Variants in B4GALNT1 observed in about 807,000 individuals in gnomAD.
The protein encoded by B4GALNT1 is beta-1,4 N-acetylgalactosaminyltransferase 1.
In B4GALNT1, 43 loss-of-function variants were observed where a neutral mutation model predicts 55.2. That is an observed-to-expected ratio of 0.78 (90% CI 0.61 to 1.00). The LOEUF is 1.00. Ranked by LOEUF, B4GALNT1 falls within the 50% of genes least tolerant of loss-of-function variation. The probability of loss-of-function intolerance (pLI) is 0.00; values close to 1 mark genes in which losing one functional copy is unlikely to be tolerated. For missense variants in B4GALNT1, 664 were observed against 729.7 expected (o/e 0.91, Z 1.04); for synonymous variants, 305 against 311.6 (o/e 0.98, Z 0.22).
chr12:57,630,474 T>G lies in B4GALNT1; in HGVS notation c.531+4A>C. ...GGCCTCCTTGCCTTCTTGTTTTCTC[T>G]CACCTGGTATACCTCCTGACCAGAA... On this transcript the variant is annotated splice_donor_region_variant and intron_variant, in intron 5 of 10. Coordinates refer to ENST00000341156, the MANE Select transcript of B4GALNT1 (RefSeq NM_001478.5). The G allele has an allele frequency of 6.2e-7, 1 of 1,607,386 alleles. No individual in the cohort carries two copies. The highest frequency in any genetic ancestry group is 1.1e-5 in the South Asian group (1 of 89,842).
Position 57,625,709 on chromosome 12 carries a change from G to C in B4GALNT1, c.*1035C>G, listed in dbSNP as rs770361128. 1.9e-6 allele frequency: 3 copies of C among 1,543,368 alleles called. 1 individual carries two copies. In the South Asian group the frequency reaches 3.8e-5, roughly 20 times the overall value. On this transcript the variant is annotated 3_prime_UTR_variant, in exon 11 of 11. Transcript: ENST00000341156. ...GCCTGTTAAGGGGCAGTAGCACCAG[G>C]AGCGGGAGCCAGGAGGCACTGGGCT...
Position 57,625,005 on chromosome 12 carries a change from G to C in B4GALNT1, c.*1739C>G. On this transcript the variant is annotated 3_prime_UTR_variant, in exon 11 of 11. Coordinates refer to ENST00000341156, the MANE Select transcript of B4GALNT1 (RefSeq NM_001478.5). Reference sequence around the variant, plus strand: ...AAGGTGAAGGAGCTTGGTTTAGGAGGGATGTGGATCCTCAGGGAGTGGGAG... The same window carrying C: ...AAGGTGAAGGAGCTTGGTTTAGGAGCGATGTGGATCCTCAGGGAGTGGGAG... 1.9e-6 allele frequency: 3 copies of C among 1,613,852 alleles called. 1 individual carries two copies. Among genetic ancestry groups the C allele is most frequent in the Non-Finnish European group, 2.5e-6 (3 of 1,179,754 alleles).
In B4GALNT1 at chr12:57,625,423, G is replaced by A. The variant is rs1023196703; in HGVS notation, c.*1321C>T. On this transcript the variant is annotated 3_prime_UTR_variant, in exon 11 of 11. Coordinates refer to ENST00000341156, the MANE Select transcript of B4GALNT1 (RefSeq NM_001478.5). ...CCATCCCTGCAGCTGGCCAGCCGAT[G>A]TCGAGATGCTAGGATCCGCCTCCTC... 1.2e-6 allele frequency: 2 copies of A among 1,614,050 alleles called. No individual in the cohort carries two copies. The highest frequency in any genetic ancestry group is 1.7e-6 in the Non-Finnish European group (2 of 1,180,028).
In B4GALNT1 at chr12:57,624,187, C is replaced by G. The variant is rs1884648120; in HGVS notation, c.*2557G>C. On this transcript the variant is annotated 3_prime_UTR_variant, in exon 11 of 11. Transcript: ENST00000341156. The stretch of plus-strand genomic sequence containing the variant: ...CTGAACCAAACCTAATTGTCCTGGT[C>G]TTAAGTTCTGCAACCCACCCACTCC... 2 of 1,317,822 alleles carry G rather than the reference C, an allele frequency of 1.5e-6. No individual in the cohort carries two copies. 81.6% of individuals were successfully genotyped at this position (1,317,822 alleles called of 1,614,324 possible).
chr12:57,628,314 C>T, intron 8 of B4GALNT1, 52 bp from the exon 9 acceptor site: 1 of 1,605,688 alleles, frequency 6.2e-7, no homozygotes, highest in Non-Finnish European at 8.5e-7. Context: ...GGACATGGCC[C>T]TCTGCCACCT....
Position 57,625,835 on chromosome 12 carries a change from T to C in B4GALNT1, c.*909A>G. 1 of 1,398,926 alleles carries C rather than the reference T, an allele frequency of 7.1e-7. No individual in the cohort carries two copies. Among genetic ancestry groups the C allele is most frequent in the South Asian group, 1.7e-5 (1 of 59,340 alleles). 86.7% of individuals were successfully genotyped at this position (1,398,926 alleles called of 1,614,324 possible). On this transcript the variant is annotated 3_prime_UTR_variant, in exon 11 of 11. Coordinates refer to ENST00000341156, the MANE Select transcript of B4GALNT1 (RefSeq NM_001478.5). ...AAGAAAAGGGTGGGGACGGAATGAA[T>C]AGTAGATTGAAGACCAAATCAGGGA...
In B4GALNT1 at chr12:57,625,302, C is replaced by T; in HGVS notation, c.*1442G>A. The T allele has an allele frequency of 6.2e-7, 1 of 1,614,028 alleles. No homozygotes were observed. The highest frequency in any genetic ancestry group is 8.5e-7 in the Non-Finnish European group (1 of 1,179,988). On this transcript the variant is annotated 3_prime_UTR_variant, in exon 11 of 11. Coordinates refer to ENST00000341156, the MANE Select transcript of B4GALNT1 (RefSeq NM_001478.5). The stretch of plus-strand genomic sequence containing the variant: ...GTCACCTTTGCAGATGCTGCTGGGG[C>T]CAGAGAAGTGGTGCAGGTGAGGGAG...
At chr12:57,629,451 G>GA (rs1211508899) in intron 6 of B4GALNT1, 84 of 323,574 alleles carry the variant, frequency 2.6e-4, no homozygotes, top group South Asian at 6.0e-4. Flanking sequence ...TCCTACAACA[G>GA]AAAAAAAAGC....
intron 2 of B4GALNT1, among the ~76,000 whole-genome samples, chr12:57,631,647 C>G (rs1885218436): frequency 6.6e-6 from 1 of 152,170 alleles, no homozygotes; most frequent in Non-Finnish European, 1.5e-5. Flanking sequence ...CTTCTCATAC[C>G]TGAATCAGGA....
In B4GALNT1 at chr12:57,623,864, T is replaced by C. The variant is rs770590600; in HGVS notation, c.*2880A>G. The C allele has an allele frequency of 6.8e-6, 11 of 1,613,990 alleles. No homozygotes were observed. The African/African-American group carries it at 1.3e-4, about 20-fold the overall frequency. On this transcript the variant is annotated 3_prime_UTR_variant, in exon 11 of 11. Coordinates refer to ENST00000341156, the MANE Select transcript of B4GALNT1 (RefSeq NM_001478.5). ...GCAGGCCTCTTCTCCTGCACAGTGG[T>C]CCTGTCGGTGCTGCTGTGGCTGGGG...
At position 57,627,673 on chromosome 12, in the gene B4GALNT1, A is replaced by G. The variant is rs1199209723; in HGVS notation, c.1329T>C (p.Thr443=). The G allele has an allele frequency of 1.9e-5, 31 of 1,611,174 alleles. No homozygotes were observed. Among genetic ancestry groups the G allele is most frequent in the Non-Finnish European group, 2.5e-5 (30 of 1,178,334 alleles). The change falls in exon 10 of 11, where the codon ACT becomes ACC. Residue 443 remains threonine (T), a synonymous_variant. Coordinates refer to ENST00000341156, the MANE Select transcript of B4GALNT1 (RefSeq NM_001478.5). ...CGAAACCGACCTCGCGCACCTTGTC[A>G]GTCCGCGCCAGGAAGAAGTTAACCA... ...DGVVNFFLAR[T]DKVREVGFDP... is the part of the protein sequence containing the mutation.
Position 57,630,503 on chromosome 12 carries a change from G to C in B4GALNT1, c.506C>G (p.Ala169Gly), listed in dbSNP as rs767249079. The stretch of plus-strand genomic sequence containing the variant: ...CTGGTATACCTCCTGACCAGAAGCT[G>C]CCTGAAGGCTCAGCCCTAGGAGAAA... ...SILVPGLSLQ[A>G]ASGQEVYQVN... Residue 169 changes from alanine (A) to glycine (G), a missense_variant, in exon 5 of 11, where the codon GCA becomes GGA. Physicochemically the swap from Ala to Gly is moderately conservative, Grantham distance 60. Transcript: ENST00000341156. 4 of 1,608,970 alleles carry C rather than the reference G, an allele frequency of 2.5e-6. No individual in the cohort carries two copies. Among genetic ancestry groups the C allele is most frequent in the Non-Finnish European group, 3.4e-6 (4 of 1,177,602 alleles).
rs138721508 is a variant in B4GALNT1 at position 57,628,718 on chromosome 12, C to T, written c.997G>A (p.Gly333Ser). 1.7e-5 allele frequency: 28 copies of T among 1,614,154 alleles called. No individual in the cohort carries two copies. In the African/African-American group the frequency reaches 2.0e-4, roughly 12 times the overall value. Residue 333 changes from glycine (G) to serine (S), a missense_variant, in exon 8 of 11, where the codon GGC (glycine) becomes AGC (serine). Physicochemically the swap from Gly to Ser is moderately conservative, Grantham distance 56. Transcript: ENST00000341156. The part of the protein sequence containing the change: ...PYVEHYLMPF[G>S]KGWFAGRNLA... ...TCAGCCTGCTAGCTGCACACCTTGC[C>T]GAAGGGCATGAGATAGTGTTCCACG...
intron 8 of B4GALNT1, chr12:57,628,466 G>A (rs865957658): frequency 1.5e-5 from 13 of 856,112 alleles, no homozygotes; most frequent in South Asian, 1.3e-4. Flanking sequence ...TTTAATTTCC[G>A]TGTGCATTTA....
At position 57,625,776 on chromosome 12, in the gene B4GALNT1, G is replaced by C. The variant is rs1284832075; in HGVS notation, c.*968C>G. 1 of 1,509,974 alleles carries C rather than the reference G, an allele frequency of 6.6e-7. No individual in the cohort carries two copies. Among genetic ancestry groups the C allele is most frequent in the Non-Finnish European group, 8.8e-7 (1 of 1,131,994 alleles). 93.5% of individuals were successfully genotyped at this position (1,509,974 alleles called of 1,614,324 possible). ...GGGTAAGTGGCTGGAGACCCAGGGAGAGGGGTTTGGGAAAGGGTCTGAGGA... is the reference window on the plus strand; with the variant it reads ...GGGTAAGTGGCTGGAGACCCAGGGACAGGGGTTTGGGAAAGGGTCTGAGGA... On this transcript the variant is annotated 3_prime_UTR_variant, in exon 11 of 11. Transcript: ENST00000341156.
rs566212389 is a variant in B4GALNT1 at position 57,624,895 on chromosome 12, G to C, written c.*1849C>G. On this transcript the variant is annotated 3_prime_UTR_variant, in exon 11 of 11. Coordinates refer to ENST00000341156, the MANE Select transcript of B4GALNT1 (RefSeq NM_001478.5). ...TCCAGGTCCCGGGGCTCTGCATCCT[G>C]AGCTATCCAACACCACTGTACTTTG... 6.2e-7 allele frequency: 1 copy of C among 1,614,150 alleles called. No homozygotes were observed. Among genetic ancestry groups the C allele is most frequent in the East Asian group, 2.2e-5 (1 of 44,892 alleles).
rs533520717 is a variant in B4GALNT1 at position 57,624,318 on chromosome 12, A to C, written c.*2426T>G. ...TGTAACTTCCCAACTGGTGCGGGTC[A>C]TTACATTTGGTGTGTGTCCCATTGA... On this transcript the variant is annotated 3_prime_UTR_variant, in exon 11 of 11. Coordinates refer to ENST00000341156, the MANE Select transcript of B4GALNT1 (RefSeq NM_001478.5). The C allele has an allele frequency of 1.3e-5, 8 of 628,830 alleles. No individual in the cohort carries two copies. The South Asian group carries it at 1.5e-4, about 12-fold the overall frequency. 39.0% of individuals were successfully genotyped at this position (628,830 alleles called of 1,614,324 possible).
At position 57,625,024 on chromosome 12, in the gene B4GALNT1, G is replaced by A. The variant is rs371428499; in HGVS notation, c.*1720C>T. The A allele has an allele frequency of 1.9e-6, 3 of 1,613,148 alleles. No homozygotes were observed. The highest frequency in any genetic ancestry group is 2.5e-6 in the Non-Finnish European group (3 of 1,179,210). The stretch of plus-strand genomic sequence containing the variant: ...TAGGAGGGATGTGGATCCTCAGGGA[G>A]TGGGAGGCAGGTGGGTGTTCTGAGG... On this transcript the variant is annotated 3_prime_UTR_variant, in exon 11 of 11. Coordinates refer to ENST00000341156, the MANE Select transcript of B4GALNT1 (RefSeq NM_001478.5).
chr12:57,625,403 C>T lies in B4GALNT1; in HGVS notation c.*1341G>A. On this transcript the variant is annotated 3_prime_UTR_variant, in exon 11 of 11. Transcript: ENST00000341156. ...TGGGACTTAACCCCTTTGCCCCATC[C>T]CTGCAGCTGGCCAGCCGATGTCGAG... 6.2e-7 allele frequency: 1 copy of T among 1,614,162 alleles called. No homozygotes were observed. The highest frequency in any genetic ancestry group is 1.1e-5 in the South Asian group (1 of 91,086).
Sources: gnomAD v4.1 joint callset for allele counts (sites outside exome capture counted in the v4.1 genomes callset) on GRCh38, gnomAD v4.1.1 for gene constraint, MANE v1.5 for transcripts, NCBI Gene and HGNC (gene_info 2026-07-23, HGNC 2026-07-21) for gene names.